DPY19L4: variants seen among roughly 807,000 people sequenced by gnomAD.
DPY19L4 encodes probable C-mannosyltransferase DPY19L4.
In DPY19L4, 97 loss-of-function variants were observed where a neutral mutation model predicts 102.8. The ratio of observed to expected loss-of-function variants is 0.94; its 90% CI spans 0.80 to 1.12. The LOEUF (loss-of-function observed/expected upper bound fraction) is 1.12, where lower values mean the gene tolerates loss of function less well. Among genes scored for constraint, DPY19L4 ranks in the 50% most tolerant of loss-of-function variants. The pLI is 0.00. For missense variants in DPY19L4, 815 were observed against 850.4 expected (o/e 0.96, Z 0.52); for synonymous variants, 252 against 283.1 (o/e 0.89, Z 1.10).
At chr8:94,761,636 G>A in intron 7 of DPY19L4, 64 bp from the exon 8 acceptor site, 4 of 1,392,128 alleles carry the variant, frequency 2.9e-6, no homozygotes, top group African/African-American at 1.4e-5. Context: ...TGAGGTAACA[G>A]TCTCATAGGC....
At chr8:94,743,642 AAATG>A (rs767867903) in intron 6 of DPY19L4, among the ~76,000 whole-genome samples, 1 of 152,124 alleles carries the variant, frequency 6.6e-6, no homozygotes, top group Non-Finnish European at 1.5e-5. Context: ...TCTCAAAAAT[AAATG>A]AATGAATGAA....
At chr8:94,750,170 G>C (rs1405270037) in intron 6 of DPY19L4, among the ~76,000 whole-genome samples, 1 of 152,140 alleles carries the variant, frequency 6.6e-6, no homozygotes, top group Non-Finnish European at 1.5e-5. Flanking sequence ...TGGCCAGGCT[G>C]GTCTTGGACT....
rs187151269 is a variant in DPY19L4, at chr8:94,759,731, G to A, written c.736-1969G>A. On this transcript the variant is annotated intron_variant, in intron 7 of 18. Coordinates refer to ENST00000414645, the MANE Select transcript of DPY19L4 (RefSeq NM_181787.3). ...ATGGTCAGGCTGGTCTCGAACTCCC[G>A]ACCTCAGGTGATCCGCCCGCTTCAG... Among the ~76,000 whole-genome samples the A allele has an allele frequency of 2.2e-4, 33 of 151,242 alleles. 1 individual carries two copies. In the East Asian group the frequency reaches 5.7e-3, roughly 26 times the overall value.
intron 13 of DPY19L4, among the ~76,000 whole-genome samples, chr8:94,773,871 C>CAA (rs71273373): frequency 0.079 from 5,560 of 70,388 alleles, 593 homozygotes; most frequent in African/African-American, 0.15. Context: ...CCCATCTCTA[C>CAA]AAAAAAAAAA....
rs367974375 is a variant in DPY19L4 at position 94,781,127 on chromosome 8, T to C, written c.1676T>C (p.Phe559Ser). 2 of 1,600,088 alleles carry C rather than the reference T, an allele frequency of 1.2e-6. No individual in the cohort carries two copies. The highest frequency in any genetic ancestry group is 2.2e-5 in the East Asian group (1 of 44,582). Residue 559 changes from phenylalanine (F) to serine (S), a missense_variant, in exon 16 of 19, where the codon TTC (phenylalanine) becomes TCC (serine). Phe to Ser is a radical substitution (Grantham distance 155, BLOSUM62 -2). Transcript: ENST00000414645. Reference sequence around the variant, plus strand: ...ACAGAATTAATGGAACTACAGGAATTCTATGACCCAGATACAGTGGAACTT... The same window carrying C: ...ACAGAATTAATGGAACTACAGGAATCCTATGACCCAGATACAGTGGAACTT... ...LMTELMELQE[F>S]YDPDTVELMT...
chr8:94,758,253 C>G (rs773890174), intron 7 of DPY19L4, among the ~76,000 whole-genome samples: 1 of 152,232 alleles, frequency 6.6e-6, no homozygotes, highest in Non-Finnish European at 1.5e-5. Flanking sequence ...CATTTTTGAC[C>G]CCTCACCCAG....
At chr8:94,774,158 G>A (rs766924431) in intron 13 of DPY19L4, among the ~76,000 whole-genome samples, 43 of 151,352 alleles carry the variant, frequency 2.8e-4, no homozygotes, top group South Asian at 6.2e-4. Context: ...GTGCTCCCAC[G>A]ATATCCTTCC....
At chr8:94,764,717 ATTTTTTTTTTTT>A (rs869220296) in intron 8 of DPY19L4, among the ~76,000 whole-genome samples, 2 of 29,326 alleles carry the variant, frequency 6.8e-5, no homozygotes, top group Non-Finnish European at 5.6e-5. Context: ...ATATATATAT[ATTTTTTTTTTTT>A]TTTTTTTTTT....
chr8:94,754,070 C>A (rs1812058677), intron 6 of DPY19L4, among the ~76,000 whole-genome samples: 1 of 151,882 alleles, frequency 6.6e-6, no homozygotes, highest in Non-Finnish European at 1.5e-5. Context: ...GTAATCCCAG[C>A]TACTTGGGGA....
At chr8:94,726,480 A>G (rs1810695563) in intron 2 of DPY19L4, 39 bp downstream of exon 2, 8 of 1,473,412 alleles carry the variant, frequency 5.4e-6, no homozygotes, top group Non-Finnish European at 7.5e-6. Context: ...TACTACAAAA[A>G]TAGTTTACAC....
chr8:94,779,634 G>C (rs747044547), intron 14 of DPY19L4, among the ~76,000 whole-genome samples: 1 of 152,044 alleles, frequency 6.6e-6, no homozygotes, highest in African/African-American at 2.4e-5. Context: ...GCCATGCCCA[G>C]GTTTTTCTGA....
At chr8:94,743,978 C>G (rs59712037) in intron 6 of DPY19L4, among the ~76,000 whole-genome samples, 1 of 152,130 alleles carries the variant, frequency 6.6e-6, no homozygotes, top group South Asian at 2.1e-4. Context: ...TGCACTCCAG[C>G]CAGGGTGACA....
intron 17 of DPY19L4, among the ~76,000 whole-genome samples, chr8:94,784,491 C>A (rs990313069): frequency 3.9e-5 from 6 of 152,084 alleles, no homozygotes; most frequent in Non-Finnish European, 8.8e-5. Context: ...TGCAATGGTG[C>A]GATCTTGGCT....
intron 6 of DPY19L4, among the ~76,000 whole-genome samples, chr8:94,741,176 A>T (rs1015621766): frequency 1.3e-5 from 2 of 152,122 alleles, no homozygotes; most frequent in African/African-American, 4.8e-5. Context: ...TAATTGATCA[A>T]CCCCTAGTGA....
chr8:94,737,234 G>T (rs2130811929), intron 3 of DPY19L4, among the ~76,000 whole-genome samples: 1 of 152,200 alleles, frequency 6.6e-6, no homozygotes, highest in Middle Eastern at 3.4e-3. Flanking sequence ...TCCCAAGGCT[G>T]CAGTGCAGTG....
At chr8:94,763,772 C>G (rs948107453) in intron 8 of DPY19L4, among the ~76,000 whole-genome samples, 1 of 152,026 alleles carries the variant, frequency 6.6e-6, no homozygotes. Flanking sequence ...GTGATCCGCT[C>G]TCTTTGGCCT....
chr8:94,773,479 T>A (rs1813023545), intron 13 of DPY19L4, among the ~76,000 whole-genome samples: 1 of 151,254 alleles, frequency 6.6e-6, no homozygotes, highest in Non-Finnish European at 1.5e-5. Flanking sequence ...TCGCCCAGGC[T>A]GGAGTGTAGT....
intron 6 of DPY19L4, among the ~76,000 whole-genome samples, chr8:94,746,171 C>T (rs1175640720): frequency 6.8e-6 from 1 of 148,120 alleles, no homozygotes; most frequent in Non-Finnish European, 1.5e-5. Context: ...AAGTGATTCT[C>T]CTGCTTCAGC....
chr8:94,776,606 T>G (rs1563612328), intron 13 of DPY19L4, among the ~76,000 whole-genome samples: 1 of 150,484 alleles, frequency 6.6e-6, no homozygotes, highest in Non-Finnish European at 1.5e-5. Flanking sequence ...AGAACAGAAG[T>G]TTTTTTTGTT....
Sources: gnomAD v4.1 joint callset for allele counts (sites outside exome capture counted in the v4.1 genomes callset) on GRCh38, gnomAD v4.1.1 for gene constraint, MANE v1.5 for transcripts, NCBI Gene and HGNC (gene_info 2026-07-23, HGNC 2026-07-21) for gene names.